Variants in PTK2 observed in about 807,000 individuals in gnomAD.
PTK2 encodes protein tyrosine kinase 2, also known as focal adhesion kinase 1.
PTK2 carries 45 observed loss-of-function variants against 150.1 expected under a neutral mutation model. The observed-to-expected ratio is 0.30, with a 90% confidence interval of 0.24 to 0.38. The LOEUF (loss-of-function observed/expected upper bound fraction) is 0.38, where lower values mean the gene tolerates loss of function less well. Ranked by LOEUF, PTK2 falls within the 10% of genes least tolerant of loss-of-function variation. The pLI is 1.00. For missense variants in PTK2, 919 were observed against 1,307.3 expected, an observed-to-expected ratio of 0.70 and a Z score of 4.58; for synonymous variants, 432 against 449.2, an observed-to-expected ratio of 0.96 and a Z score of 0.48.
At chr8:140,803,318 C>G (rs1422251406) in intron 11 of PTK2, among the ~76,000 whole-genome samples, 1 of 152,076 alleles carries the variant, frequency 6.6e-6, no homozygotes, top group African/African-American at 2.4e-5. Context: ...CTTTAATCAT[C>G]ATTATCTTTA....
intron 22 of PTK2, among the ~76,000 whole-genome samples, chr8:140,734,105 T>C (rs747066084): frequency 2.0e-5 from 3 of 152,182 alleles, no homozygotes; most frequent in Non-Finnish European, 4.4e-5. Context: ...GTCTAGCAGG[T>C]TGAACAGCTT....
intron 2 of PTK2, among the ~76,000 whole-genome samples, chr8:140,901,923 CTG>C (rs1370684056): frequency 6.6e-6 from 1 of 152,094 alleles, no homozygotes; most frequent in South Asian, 2.1e-4. Context: ...TTTTCTGTTC[CTG>C]TGTTAGTTTG....
At chr8:140,916,024 A>AT (rs2100165127) in intron 2 of PTK2, among the ~76,000 whole-genome samples, 1 of 152,220 alleles carries the variant, frequency 6.6e-6, no homozygotes, top group Non-Finnish European at 1.5e-5. Context: ...ACTAATAATG[A>AT]GGACCAGAAA....
chr8:140,773,671 A>T (rs1438264558), intron 14 of PTK2, among the ~76,000 whole-genome samples: 1 of 152,110 alleles, frequency 6.6e-6, no homozygotes, highest in Non-Finnish European at 1.5e-5. Context: ...TGGCACTGAG[A>T]TGCACTCAGT....
chr8:140,920,939 C>CTGCACACAA, intron 2 of PTK2: 1 of 1,472,242 alleles, frequency 6.8e-7, no homozygotes, highest in South Asian at 1.3e-5. Flanking sequence ...AAGATCAAGC[C>CTGCACACAA]AGGAGTCTGC....
intron 2 of PTK2, among the ~76,000 whole-genome samples, chr8:140,893,478 C>G (rs2100154905): frequency 1.3e-5 from 2 of 152,174 alleles, no homozygotes; most frequent in African/African-American, 4.8e-5. Context: ...AAACGAAGCA[C>G]TGATACATGC....
At chr8:140,904,159 T>C (rs546152842) in intron 2 of PTK2, among the ~76,000 whole-genome samples, 1 of 152,228 alleles carries the variant, frequency 6.6e-6, no homozygotes, top group Non-Finnish European at 1.5e-5. Flanking sequence ...GCTCTTATTA[T>C]TTTGAGATAC....
intron 22 of PTK2, among the ~76,000 whole-genome samples, chr8:140,729,687 A>T (rs912216266): frequency 2.6e-5 from 4 of 152,296 alleles, no homozygotes; most frequent in African/African-American, 9.6e-5. Context: ...TTCCTTTTTA[A>T]CTAACCAATA....
At chr8:140,933,473 CAG>C (rs1439018605) in intron 1 of PTK2, among the ~76,000 whole-genome samples, 2 of 152,142 alleles carry the variant, frequency 1.3e-5, no homozygotes, top group Non-Finnish European at 2.9e-5. Context: ...TGCCAGAAGA[CAG>C]AAAAATCAGG....
intron 1 of PTK2, among the ~76,000 whole-genome samples, chr8:140,967,047 A>G (rs1392214470): frequency 5.3e-5 from 8 of 152,310 alleles, no homozygotes; most frequent in Admixed American, 3.3e-4. Flanking sequence ...TGGAGTGTCT[A>G]TATTAGCTCA....
chr8:140,838,914 G>A (rs1005204148), intron 7 of PTK2, among the ~76,000 whole-genome samples: 1 of 151,622 alleles, frequency 6.6e-6, no homozygotes, highest in Admixed American at 6.6e-5. Context: ...GCTGAGGCAG[G>A]AGAATGGTGT....
At chr8:140,848,843 G>C (rs2100127289) in intron 5 of PTK2, among the ~76,000 whole-genome samples, 1 of 152,166 alleles carries the variant, frequency 6.6e-6, no homozygotes, top group African/African-American at 2.4e-5. Flanking sequence ...GTGGCTTTTA[G>C]TTGTCTGATG....
At chr8:140,985,255 C>G (rs1007281559) in intron 1 of PTK2, among the ~76,000 whole-genome samples, 4 of 152,058 alleles carry the variant, frequency 2.6e-5, no homozygotes, top group African/African-American at 9.7e-5. Context: ...TCCTGAGTAC[C>G]TGGGACTACA....
chr8:140,863,827 C>CA (rs759505077), intron 5 of PTK2, among the ~76,000 whole-genome samples: 11 of 151,480 alleles, frequency 7.3e-5, no homozygotes, highest in South Asian at 4.2e-4. Context: ...TTTATTAAAG[C>CA]AAAAAAAATT....
rs141059546 is a variant in PTK2 at position 140,975,645 on chromosome 8, C to A, written c.-122+25480G>T. On this transcript the variant is annotated intron_variant, in intron 1 of 31. Coordinates refer to ENST00000522684, the Ensembl canonical transcript of PTK2. ...AAGGAAGAAAAAATTAGAGGAAATG[C>A]GATAGGCTGTATGTGTATATGCGAC... Among the ~76,000 whole-genome samples the A allele has an allele frequency of 5.9e-5, 9 of 152,242 alleles. No homozygotes were observed. The East Asian group carries it at 1.5e-3, about 26-fold the overall frequency.
At chr8:140,819,015 T>A in exon 9 of PTK2, 1 of 1,612,152 alleles carries the variant, frequency 6.2e-7, no homozygotes, top group Non-Finnish European at 8.5e-7. Context: ...TTCTTAGTGT[T>A]TTGGCCTGCA....
At chr8:140,911,870 A>T (rs2100163307) in intron 2 of PTK2, among the ~76,000 whole-genome samples, 1 of 152,232 alleles carries the variant, frequency 6.6e-6, no homozygotes. Flanking sequence ...GAAAAAAATT[A>T]CAAACAGATA....
At chr8:140,674,374 C>G in exon 29 of PTK2, 2 of 1,603,794 alleles carry the variant, frequency 1.2e-6, no homozygotes, top group Non-Finnish European at 1.7e-6. Flanking sequence ...AGCTCCAGGG[C>G]GAGGCGGTTT....
Position 140,735,470 on chromosome 8 carries a change from T to A in PTK2, c.1826-15A>T. The A allele has an allele frequency of 1.2e-6, 2 of 1,612,118 alleles. No individual in the cohort carries two copies. The highest frequency in any genetic ancestry group is 1.7e-6 in the Non-Finnish European group (2 of 1,178,198). On this transcript the variant is annotated splice_polypyrimidine_tract_variant and intron_variant, in intron 21 of 31. Coordinates refer to ENST00000522684, the Ensembl canonical transcript of PTK2. Reference sequence around the variant, plus strand: ...CATACACACACCTGTCAAGTGGGAATGAAAACACAACAGTGAGCTCAGTAT... The same window carrying A: ...CATACACACACCTGTCAAGTGGGAAAGAAAACACAACAGTGAGCTCAGTAT...
Sources: allele counts gnomAD v4.1 joint callset (sites outside exome capture counted in the v4.1 genomes callset), GRCh38; gene constraint gnomAD v4.1.1; transcripts MANE v1.5; gene names NCBI Gene and HGNC (gene_info 2026-07-23, HGNC 2026-07-21).